Variants in EXOC4 observed in about 807,000 individuals in gnomAD.
The protein encoded by EXOC4 is exocyst complex component 4.
EXOC4 carries 71 observed loss-of-function variants against 107.2 expected under a neutral mutation model. The ratio of observed to expected loss-of-function variants is 0.66; its 90% CI spans 0.55 to 0.81. EXOC4 has a LOEUF of 0.81. EXOC4 is among the 30% of genes least tolerant of loss of function. The pLI is 0.00. For missense variants in EXOC4, 1,108 were observed against 1,189.6 expected, an observed-to-expected ratio of 0.93 and a Z score of 1.01; for synonymous variants, 456 against 441.2, an observed-to-expected ratio of 1.03 and a Z score of -0.42.
At chr7:133,775,079 A>G (rs1796318974) in intron 10 of EXOC4, among the ~76,000 whole-genome samples, 1 of 152,130 alleles carries the variant, frequency 6.6e-6, no homozygotes, top group African/African-American at 2.4e-5. Flanking sequence ...AGCTATAATT[A>G]TGGCAGTTTT....
intron 7 of EXOC4, among the ~76,000 whole-genome samples, chr7:133,427,937 C>A (rs1046756489): frequency 6.6e-6 from 1 of 152,130 alleles, no homozygotes; most frequent in African/African-American, 2.4e-5. Context: ...TTCCTTATTA[C>A]AGAAAAAGAT....
chr7:133,601,215 TTTG>T (rs1801798583), intron 9 of EXOC4, among the ~76,000 whole-genome samples: 1 of 152,046 alleles, frequency 6.6e-6, no homozygotes, highest in South Asian at 2.1e-4. Flanking sequence ...AATGCTGGAT[TTTG>T]TTGTTTTATT....
intron 10 of EXOC4, among the ~76,000 whole-genome samples, chr7:133,648,954 A>G (rs751435914): frequency 2.6e-5 from 4 of 152,284 alleles, no homozygotes; most frequent in African/African-American, 9.6e-5. Flanking sequence ...TTAATATCAC[A>G]AAGAGAGATG....
intron 11 of EXOC4, among the ~76,000 whole-genome samples, chr7:133,880,991 C>G (rs112694051): frequency 6.6e-6 from 1 of 152,152 alleles, no homozygotes; most frequent in Non-Finnish European, 1.5e-5. Context: ...TTTAGCCTGA[C>G]AAACAGAGCT....
At chr7:133,905,216 C>T (rs540324502) in intron 12 of EXOC4, among the ~76,000 whole-genome samples, 2 of 152,262 alleles carry the variant, frequency 1.3e-5, no homozygotes, top group South Asian at 4.1e-4. Flanking sequence ...CCATGAAAAC[C>T]TGGGCAGCTC....
intron 9 of EXOC4, among the ~76,000 whole-genome samples, chr7:133,585,747 G>A (rs1439368916): frequency 1.3e-5 from 2 of 152,172 alleles, no homozygotes; most frequent in East Asian, 3.9e-4. Context: ...AGGCTGGAGT[G>A]CAGTGGTGCG....
chr7:133,276,829 A>G (rs1562998693), intron 2 of EXOC4, among the ~76,000 whole-genome samples: 1 of 152,232 alleles, frequency 6.6e-6, no homozygotes, highest in Non-Finnish European at 1.5e-5. Context: ...TTGTAAGCAG[A>G]TACATAAATT....
intron 10 of EXOC4, among the ~76,000 whole-genome samples, chr7:133,676,182 T>A (rs532184450): frequency 6.6e-6 from 1 of 152,146 alleles, no homozygotes; most frequent in African/African-American, 2.4e-5. Flanking sequence ...TTCTAGATAC[T>A]AGATGGTACT....
At chr7:133,589,596 G>C (rs1028309712) in intron 9 of EXOC4, among the ~76,000 whole-genome samples, 7 of 152,222 alleles carry the variant, frequency 4.6e-5, no homozygotes, top group Admixed American at 1.3e-4. Flanking sequence ...TTGCCATGCA[G>C]AGTAGAAAGT....
At chr7:133,261,321 C>T (rs1795147260) in intron 1 of EXOC4, among the ~76,000 whole-genome samples, 1 of 150,498 alleles carries the variant, frequency 6.6e-6, no homozygotes, top group African/African-American at 2.5e-5. Flanking sequence ...GGCTGGAGCG[C>T]AGTAGTGTGA....
chr7:133,369,962 G>A (rs796631840), intron 6 of EXOC4, among the ~76,000 whole-genome samples: 10 of 151,982 alleles, frequency 6.6e-5, no homozygotes, highest in Admixed American at 2.6e-4. Flanking sequence ...GCACCATGAC[G>A]CCCAGCTAAT....
At chr7:133,467,626 G>A (rs1228865575) in intron 7 of EXOC4, among the ~76,000 whole-genome samples, 1 of 138,496 alleles carries the variant, frequency 7.2e-6, no homozygotes, top group Non-Finnish European at 1.5e-5. Flanking sequence ...GTTTGTCAGT[G>A]TACTCCCTTT....
chr7:133,487,195 G>C (rs993749), intron 9 of EXOC4, among the ~76,000 whole-genome samples: 151,836 of 152,324 alleles, frequency 1, 75,677 homozygotes, highest in Middle Eastern at 1. Context: ...TCACAAAGCC[G>C]ATTACTCAGT....
chr7:133,434,780 A>G (rs2150780950), intron 7 of EXOC4, among the ~76,000 whole-genome samples: 1 of 152,336 alleles, frequency 6.6e-6, no homozygotes. Context: ...TTGTGCTGTC[A>G]TAATAGATAA....
chr7:133,785,173 C>T (rs982278207), intron 10 of EXOC4, among the ~76,000 whole-genome samples: 1 of 152,108 alleles, frequency 6.6e-6, no homozygotes, highest in Admixed American at 6.5e-5. Flanking sequence ...CCCAAGTGCC[C>T]CTGCCATTGG....
chr7:134,033,580 G>A (rs1795318618), intron 17 of EXOC4, among the ~76,000 whole-genome samples: 1 of 152,112 alleles, frequency 6.6e-6, no homozygotes, highest in East Asian at 1.9e-4. Flanking sequence ...TCCAATTGGA[G>A]TCCGAGGAAA....
intron 13 of EXOC4, among the ~76,000 whole-genome samples, chr7:133,934,300 T>C (rs1800248305): frequency 6.6e-6 from 1 of 152,190 alleles, no homozygotes; most frequent in African/African-American, 2.4e-5. Flanking sequence ...AAGGAATGAT[T>C]TTTTGTGTGA....
intron 9 of EXOC4, among the ~76,000 whole-genome samples, chr7:133,521,115 C>T (rs1259446429): frequency 1.3e-5 from 2 of 152,064 alleles, no homozygotes; most frequent in Admixed American, 6.6e-5. Context: ...TTCAAAATGA[C>T]GTTTGTATCT....
chr7:133,974,614 T>G (rs555130975), intron 14 of EXOC4, among the ~76,000 whole-genome samples: 90 of 152,342 alleles, frequency 5.9e-4, no homozygotes, highest in Non-Finnish European at 9.6e-4. Context: ...AATGGCATTT[T>G]GTTCGTGCCC....
Sources: allele counts gnomAD v4.1 joint callset (sites outside exome capture counted in the v4.1 genomes callset), GRCh38; gene constraint gnomAD v4.1.1; transcripts MANE v1.5; gene names NCBI Gene and HGNC (gene_info 2026-07-23, HGNC 2026-07-21).